HAPLN1: variants seen among roughly 807,000 people sequenced by gnomAD.
HAPLN1 encodes hyaluronan and proteoglycan link protein 1, also known as Cartilage link protein.
In HAPLN1, 13 loss-of-function variants were observed where a neutral mutation model predicts 36.5. The ratio of observed to expected loss-of-function variants is 0.36; its 90% CI spans 0.23 to 0.57. The LOEUF (loss-of-function observed/expected upper bound fraction) is 0.57. Among genes scored for constraint, HAPLN1 ranks in the 20% least tolerant of loss-of-function variants. The pLI is 0.83. For missense variants in HAPLN1, 407 were observed against 439.7 expected (o/e 0.93, Z 0.66); for synonymous variants, 202 against 169.8 (o/e 1.19, Z -1.48).
intron 2 of HAPLN1, among the ~76,000 whole-genome samples, chr5:83,662,051 C>T (rs755102883): frequency 9.9e-5 from 15 of 152,210 alleles, no homozygotes; most frequent in South Asian, 4.2e-4. Context: ...TATAGGCACC[C>T]GCCACCGTGT....
chr5:83,710,721 C>T (rs1261511734), intron 1 of HAPLN1, among the ~76,000 whole-genome samples: 2 of 152,098 alleles, frequency 1.3e-5, no homozygotes, highest in African/African-American at 4.8e-5. Flanking sequence ...GAAGCAGAGG[C>T]GGGTGGATGA....
chr5:83,649,043 T>C (rs1163867980), intron 3 of HAPLN1, among the ~76,000 whole-genome samples: 1 of 152,232 alleles, frequency 6.6e-6, no homozygotes, highest in Non-Finnish European at 1.5e-5. Context: ...ATCCTCATCT[T>C]ACTCTGAAGT....
At chr5:83,698,151 T>C (rs1751434689) in intron 1 of HAPLN1, among the ~76,000 whole-genome samples, 3 of 152,146 alleles carry the variant, frequency 2.0e-5, no homozygotes, top group African/African-American at 7.2e-5. Flanking sequence ...TTAGTTCTTA[T>C]ATTTAGTCTT....
chr5:83,701,927 AACACACACAC>A (rs112813015), intron 1 of HAPLN1, among the ~76,000 whole-genome samples: 4 of 143,844 alleles, frequency 2.8e-5, no homozygotes, highest in Non-Finnish European at 6.2e-5. Flanking sequence ...CTTCGACAAA[AACACACACAC>A]ACACACACAC....
chr5:83,719,926 ACCCTAAAAATT>A (rs1168648464), intron 1 of HAPLN1, among the ~76,000 whole-genome samples: 1 of 152,240 alleles, frequency 6.6e-6, no homozygotes, highest in Non-Finnish European at 1.5e-5. Context: ...AACACTTTCC[ACCCTAAAAATT>A]CCCAAATGTA....
At chr5:83,676,125 G>A (rs959250271) in intron 1 of HAPLN1, among the ~76,000 whole-genome samples, 1 of 151,536 alleles carries the variant, frequency 6.6e-6, no homozygotes, top group South Asian at 2.1e-4. Context: ...CATGAACAAA[G>A]TCTTGGTGGT....
At chr5:83,715,722 G>T (rs1039907991) in intron 1 of HAPLN1, among the ~76,000 whole-genome samples, 2 of 152,148 alleles carry the variant, frequency 1.3e-5, no homozygotes, top group African/African-American at 4.8e-5. Flanking sequence ...TGTCAGAACT[G>T]CCTTTCCAGG....
chr5:83,708,769 C>T (rs944607420), intron 1 of HAPLN1, among the ~76,000 whole-genome samples: 13 of 152,188 alleles, frequency 8.5e-5, no homozygotes, highest in African/African-American at 3.1e-4. Flanking sequence ...AGATACTCTT[C>T]CTTCTGCTAC....
rs1455533862 is a variant in HAPLN1 at position 83,672,754 on chromosome 5, C to T, written c.100+670G>A. Among the ~76,000 whole-genome samples the T allele has an allele frequency of 2.0e-5, 3 of 152,122 alleles. No individual in the cohort carries two copies. In the East Asian group the frequency reaches 5.8e-4, roughly 29 times the overall value. On this transcript the variant is annotated intron_variant, in intron 2 of 4. Coordinates refer to ENST00000274341, the MANE Select transcript of HAPLN1 (RefSeq NM_001884.4). ...ATTCCTTTTTTAATTATTCAGCATCCAAGGGCAAGGAAAGAACTGTTCCTC... is the reference window on the plus strand; with the variant it reads ...ATTCCTTTTTTAATTATTCAGCATCTAAGGGCAAGGAAAGAACTGTTCCTC...
chr5:83,709,838 T>C (rs931438457), intron 1 of HAPLN1, among the ~76,000 whole-genome samples: 1 of 152,140 alleles, frequency 6.6e-6, no homozygotes, highest in Non-Finnish European at 1.5e-5. Flanking sequence ...ATGGGAGACA[T>C]AGAGACTGAT....
Position 83,654,820 on chromosome 5 carries a change from C to T in HAPLN1, c.101-1996G>A, listed in dbSNP as rs75158908. ...CATAGACCTTGGTCTAACCTCACTT[C>T]CTCAATTTACTAGCTCTGTAGCCTT... On this transcript the variant is annotated intron_variant, in intron 2 of 4. Transcript: ENST00000274341. Among the ~76,000 whole-genome samples the T allele has an allele frequency of 5.9e-3, 898 of 152,298 alleles. 26 individuals carry two copies. In the East Asian group the frequency reaches 0.1, roughly 18 times the overall value.
chr5:83,701,012 C>T (rs1277964639), intron 1 of HAPLN1, among the ~76,000 whole-genome samples: 1 of 152,180 alleles, frequency 6.6e-6, no homozygotes, highest in East Asian at 1.9e-4. Context: ...TTCTGTTACA[C>T]TATCAGTCAA....
intron 3 of HAPLN1, among the ~76,000 whole-genome samples, chr5:83,651,278 T>C (rs73133812): frequency 0.018 from 2,685 of 152,286 alleles, 88 homozygotes; most frequent in African/African-American, 0.062. Flanking sequence ...TTAATACTAC[T>C]AGCTCAAGGC....
intron 1 of HAPLN1, among the ~76,000 whole-genome samples, chr5:83,693,060 C>T (rs1175584705): frequency 6.6e-6 from 1 of 151,740 alleles, no homozygotes; most frequent in African/African-American, 2.4e-5. Flanking sequence ...AAATTAGGCA[C>T]AGTAAGAAAT....
chr5:83,688,505 C>T (rs972711069), intron 1 of HAPLN1, among the ~76,000 whole-genome samples: 2 of 152,200 alleles, frequency 1.3e-5, no homozygotes, highest in Non-Finnish European at 2.9e-5. Flanking sequence ...CTTCAAAACA[C>T]TAGCGTAATT....
At chr5:83,654,094 C>A (rs557108022) in intron 2 of HAPLN1, among the ~76,000 whole-genome samples, 2 of 152,134 alleles carry the variant, frequency 1.3e-5, no homozygotes, top group Non-Finnish European at 1.5e-5. Context: ...TATTGAATGG[C>A]AAATATAGGA....
Position 83,650,632 on chromosome 5 carries a change from CTT to C in HAPLN1, c.472+1819_472+1820del, listed in dbSNP as rs5869195. On this transcript the variant is annotated intron_variant, in intron 3 of 4. Coordinates refer to ENST00000274341, the MANE Select transcript of HAPLN1 (RefSeq NM_001884.4). ...GAGCCTAGGAGAAAAAAATTCTTTT[CTT>C]TTTTTTTTTTTTTTTTTTGAGATGG... is the stretch of plus-strand genomic sequence containing the variant. Among the ~76,000 whole-genome samples, 324 of 103,688 alleles carry C rather than the reference CTT, an allele frequency of 3.1e-3. 1 individual carries two copies. Among genetic ancestry groups the C allele is most frequent in the African/African-American group, 9.8e-3 (225 of 22,944 alleles). The allele number at this position is 103,688 out of a possible 152,430, so 68.0% of individuals were successfully genotyped here.
intron 1 of HAPLN1, among the ~76,000 whole-genome samples, chr5:83,681,944 G>A (rs1246689667): frequency 1.3e-5 from 2 of 152,088 alleles, no homozygotes; most frequent in Admixed American, 6.6e-5. Context: ...CCTAGTTACA[G>A]GTTTTATAAT....
chr5:83,673,482 C>G lies in HAPLN1; in HGVS notation c.42G>C (p.Trp14Cys). The G allele has an allele frequency of 6.2e-7, 1 of 1,613,756 alleles. No individual in the cohort carries two copies. ...LLLLVLISICWADHLSDNYTL... is the reference protein window; with the variant it reads ...LLLLVLISICCADHLSDNYTL... Reference sequence around the variant, plus strand: ...TATAGTTGTCTGAAAGATGATCAGCCCAGCAGATTGAAATCAGCACCAGAA... The same window carrying G: ...TATAGTTGTCTGAAAGATGATCAGCGCAGCAGATTGAAATCAGCACCAGAA... The change falls in exon 2 of 5, where the codon TGG becomes TGC. Residue 14 changes from tryptophan to cysteine, a missense_variant. By Grantham distance (215) the Trp-to-Cys change is radical (BLOSUM62 -2). Coordinates refer to ENST00000274341, the MANE Select transcript of HAPLN1 (RefSeq NM_001884.4).
Sources: gnomAD v4.1 joint callset for allele counts (sites outside exome capture counted in the v4.1 genomes callset) on GRCh38, gnomAD v4.1.1 for gene constraint, MANE v1.5 for transcripts, NCBI Gene and HGNC (gene_info 2026-07-23, HGNC 2026-07-21) for gene names.